The following BMPER variants were observed in gnomAD, a reference collection of about 807,000 sequenced individuals.
BMPER encodes the protein BMP-binding endothelial regulator protein.
In BMPER, 45 loss-of-function variants were observed where a neutral mutation model predicts 87.3. The ratio of observed to expected loss-of-function variants is 0.52; its 90% CI spans 0.41 to 0.66. The LOEUF (loss-of-function observed/expected upper bound fraction) is 0.66. Among genes scored for constraint, BMPER ranks in the 30% least tolerant of loss-of-function variants. The pLI, the probability that BMPER is intolerant of heterozygous loss-of-function variation, is 0.00. For missense variants in BMPER, 784 were observed against 867.5 expected (o/e 0.90, Z 1.21); for synonymous variants, 326 against 316.2 (o/e 1.03, Z -0.33).
At chr7:34,028,091 A>G (rs1199237038) in intron 6 of BMPER, among the ~76,000 whole-genome samples, 1 of 152,052 alleles carries the variant, frequency 6.6e-6, no homozygotes, top group Non-Finnish European at 1.5e-5. Context: ...AATTATACAA[A>G]ATTGCTATTA....
rs138295226 is a variant in BMPER, at chr7:34,140,209, A to G, written c.1746-3021A>G. 8.7e-4 allele frequency among the ~76,000 whole-genome samples: 133 copies of G among 152,306 alleles called. 1 individual carries two copies. Among genetic ancestry groups the G allele is most frequent in the African/African-American group, 2.9e-3 (120 of 41,578 alleles). On this transcript the variant is annotated intron_variant, in intron 13 of 14. Transcript: ENST00000649409. ...AATCTCTGCCTCATAGCCCATTGCC[A>G]TGTGGACTGGAGGAGACATTCCCTG...
intron 3 of BMPER, among the ~76,000 whole-genome samples, chr7:33,937,896 C>G (rs1585655472): frequency 6.6e-6 from 1 of 152,284 alleles, no homozygotes; most frequent in East Asian, 1.9e-4. Context: ...TCTAACATCT[C>G]CTTACTCCAG....
chr7:33,977,077 T>C (rs1785706780), intron 6 of BMPER, among the ~76,000 whole-genome samples: 1 of 152,178 alleles, frequency 6.6e-6, no homozygotes, highest in Non-Finnish European at 1.5e-5. Context: ...TTTAGATTAA[T>C]AGAATAAATG....
At chr7:34,084,920 T>C (rs1789158053) in intron 12 of BMPER, among the ~76,000 whole-genome samples, 1 of 152,188 alleles carries the variant, frequency 6.6e-6, no homozygotes, top group Non-Finnish European at 1.5e-5. Context: ...CCAAGAAGGG[T>C]CTAAGTTCTC....
At chr7:33,998,866 T>A (rs1414603565) in intron 6 of BMPER, among the ~76,000 whole-genome samples, 4 of 152,118 alleles carry the variant, frequency 2.6e-5, no homozygotes, top group African/African-American at 9.6e-5. Flanking sequence ...CAACTTTCTT[T>A]TGTCTTACTT....
At position 34,010,218 on chromosome 7, in the gene BMPER, A is replaced by G. The variant is rs577980772; in HGVS notation, c.576+35434A>G. 1.6e-3 allele frequency among the ~76,000 whole-genome samples: 237 copies of G among 151,912 alleles called. 1 individual carries two copies. Among genetic ancestry groups the G allele is most frequent in the Non-Finnish European group, 2.4e-3 (161 of 67,836 alleles). On this transcript the variant is annotated intron_variant, in intron 6 of 14. Coordinates refer to ENST00000649409, the MANE Select transcript of BMPER (RefSeq NM_001365308.1). ...AAATTTAGCTCAGATGTCATCTCCT[A>G]TGAAGTCTTTTCTGGTCACCCTAAT...
intron 6 of BMPER, among the ~76,000 whole-genome samples, chr7:33,992,188 C>G (rs1402624897): frequency 1.4e-5 from 2 of 145,278 alleles, no homozygotes; most frequent in East Asian, 2.1e-4. Flanking sequence ...CTTTCTGTCT[C>G]GTTGATCTGT....
chr7:33,908,518 A>G (rs1783877312), intron 2 of BMPER, among the ~76,000 whole-genome samples: 1 of 152,204 alleles, frequency 6.6e-6, no homozygotes, highest in African/African-American at 2.4e-5. Flanking sequence ...CTTAGTGATA[A>G]GAAGATAGAT....
intron 13 of BMPER, among the ~76,000 whole-genome samples, chr7:34,097,173 C>T (rs1199846277): frequency 6.6e-6 from 1 of 152,146 alleles, no homozygotes; most frequent in Non-Finnish European, 1.5e-5. Context: ...TAGGGTTTAG[C>T]TGGACAAAAA....
In BMPER at chr7:33,934,141, G is replaced by A. The variant is rs773024252; in HGVS notation, c.220-3148G>A. 3.9e-5 allele frequency among the ~76,000 whole-genome samples: 6 copies of A among 152,236 alleles called. No homozygotes were observed. In the South Asian group the frequency reaches 6.2e-4, roughly 16 times the overall value. On this transcript the variant is annotated intron_variant, in intron 2 of 14. Coordinates refer to ENST00000649409, the MANE Select transcript of BMPER (RefSeq NM_001365308.1). The stretch of plus-strand genomic sequence containing the variant: ...GGGAGTCCTGAAGGCATGGCTTTGC[G>A]TGTGCCACTTCTCTCCAGAGCCACT...
intron 6 of BMPER, among the ~76,000 whole-genome samples, chr7:33,994,786 C>T (rs1045692826): frequency 2.6e-5 from 4 of 152,138 alleles, no homozygotes; most frequent in Non-Finnish European, 5.9e-5. Context: ...CCTGTCCTAC[C>T]TCTACCATTG....
intron 6 of BMPER, among the ~76,000 whole-genome samples, chr7:34,014,370 GA>G (rs1361492550): frequency 1.3e-5 from 2 of 151,880 alleles, no homozygotes; most frequent in Admixed American, 1.3e-4. Context: ...AAACTTCCTT[GA>G]ATGCATACTA....
At chr7:34,125,174 C>T (rs1205392417) in intron 13 of BMPER, among the ~76,000 whole-genome samples, 1 of 152,182 alleles carries the variant, frequency 6.6e-6, no homozygotes, top group Non-Finnish European at 1.5e-5. Flanking sequence ...TCTTCCCACA[C>T]ATGTTCAACT....
chr7:34,046,092 A>C (rs1212746932), intron 6 of BMPER, among the ~76,000 whole-genome samples: 3 of 152,098 alleles, frequency 2.0e-5, no homozygotes, highest in Non-Finnish European at 2.9e-5. Flanking sequence ...GTGATGCTGG[A>C]ATCACCTCCT....
Position 33,993,605 on chromosome 7 carries a change from T to C in BMPER, c.576+18821T>C, listed in dbSNP as rs1585716135. On this transcript the variant is annotated intron_variant, in intron 6 of 14. Coordinates refer to ENST00000649409, the MANE Select transcript of BMPER (RefSeq NM_001365308.1). ...CAGAGTAATTTGATCGTCTGAAGCC[T>C]TCTTCTCTCAGCTCGTCAAAGTCAT... is the stretch of plus-strand genomic sequence containing the variant. Among the ~76,000 whole-genome samples, 8 of 152,162 alleles carry C rather than the reference T, an allele frequency of 5.3e-5. No individual in the cohort carries two copies. The South Asian group carries it at 1.7e-3, about 32-fold the overall frequency.
chr7:34,119,248 G>A (rs960994058), intron 13 of BMPER, among the ~76,000 whole-genome samples: 1 of 152,132 alleles, frequency 6.6e-6, no homozygotes, highest in Non-Finnish European at 1.5e-5. Flanking sequence ...GGGTACCCAC[G>A]TAGTACCCAC....
At chr7:34,076,195 G>A (rs889713332) in intron 11 of BMPER, among the ~76,000 whole-genome samples, 11 of 152,132 alleles carry the variant, frequency 7.2e-5, no homozygotes, top group African/African-American at 2.4e-4. Context: ...AGCAAGCTCA[G>A]GCTTCCCCAG....
intron 7 of BMPER, among the ~76,000 whole-genome samples, chr7:34,050,388 C>T (rs993271626): frequency 6.6e-6 from 1 of 151,688 alleles, no homozygotes; most frequent in African/African-American, 2.4e-5. Flanking sequence ...CTCACTTCCA[C>T]CTTTTGAGGG....
At chr7:33,962,378 G>T (rs984456974) in intron 3 of BMPER, among the ~76,000 whole-genome samples, 2 of 152,150 alleles carry the variant, frequency 1.3e-5, no homozygotes, top group African/African-American at 2.4e-5. Flanking sequence ...GCTCATTGTT[G>T]TATTATTTTA....
Sources: gnomAD v4.1 joint callset for allele counts (sites outside exome capture counted in the v4.1 genomes callset) on GRCh38, gnomAD v4.1.1 for gene constraint, MANE v1.5 for transcripts, NCBI Gene and HGNC (gene_info 2026-07-23, HGNC 2026-07-21) for gene names.